Variants in CSNK1G3 observed in about 807,000 individuals in gnomAD.
The protein encoded by CSNK1G3 is casein kinase I isoform gamma-3.
CSNK1G3 carries 23 observed loss-of-function variants against 64.3 expected under a neutral mutation model. The ratio of observed to expected loss-of-function variants is 0.36; its 90% confidence interval spans 0.26 to 0.51. The LOEUF (loss-of-function observed/expected upper bound fraction) is 0.51. Ranked by LOEUF, CSNK1G3 falls within the 20% of genes least tolerant of loss-of-function variation. The pLI, the probability that CSNK1G3 is intolerant of heterozygous loss-of-function variation, is 0.96. For missense variants in CSNK1G3, 357 were observed against 510.5 expected, an observed-to-expected ratio of 0.70 and a Z score of 2.90; for synonymous variants, 158 against 162.2, an observed-to-expected ratio of 0.97 and a Z score of 0.20.
rs542512757 is a variant in CSNK1G3, at chr5:123,606,659, T to G, written c.1217+1297T>G. Among the ~76,000 whole-genome samples the G allele has an allele frequency of 2.0e-5, 3 of 152,310 alleles. No individual in the cohort carries two copies. In the South Asian group the frequency reaches 6.2e-4, roughly 32 times the overall value. ...CCAACTGCTGGTGACGTTTCTCATC[T>G]CTGTTCTTGGGCTTGTGCCTCTTTT... is the stretch of plus-strand genomic sequence containing the variant. On this transcript the variant is annotated intron_variant, in intron 12 of 12. Coordinates refer to ENST00000345990, the Ensembl canonical transcript of CSNK1G3.
intron 9 of CSNK1G3, 49 bp downstream of exon 9, chr5:123,590,607 T>C: frequency 1.8e-6 from 2 of 1,114,050 alleles, no homozygotes; most frequent in South Asian, 3.6e-5. Flanking sequence ...TGTTGCCTTT[T>C]TAATAGTACA....
intron 1 of CSNK1G3, among the ~76,000 whole-genome samples, chr5:123,524,408 C>A (rs1040258045): frequency 6.6e-6 from 1 of 152,174 alleles, no homozygotes; most frequent in Non-Finnish European, 1.5e-5. Context: ...CATGCCAAAG[C>A]GCCTACAGGC....
At chr5:123,574,638 T>C (rs913281748) in intron 5 of CSNK1G3, among the ~76,000 whole-genome samples, 2 of 151,772 alleles carry the variant, frequency 1.3e-5, no homozygotes, top group South Asian at 2.1e-4. Context: ...CTGGGCAACA[T>C]AGTGTGACTC....
At chr5:123,587,340 A>C (rs1382087401) in intron 6 of CSNK1G3, among the ~76,000 whole-genome samples, 1 of 152,218 alleles carries the variant, frequency 6.6e-6, no homozygotes, top group African/African-American at 2.4e-5. Context: ...ATTTTGAAAC[A>C]TCAAGAAATC....
At chr5:123,607,657 C>G (rs1351512367) in intron 12 of CSNK1G3, among the ~76,000 whole-genome samples, 2 of 152,094 alleles carry the variant, frequency 1.3e-5, no homozygotes, top group African/African-American at 4.8e-5. Context: ...GTGGTGATAG[C>G]TGCTCAATTC....
intron 12 of CSNK1G3, among the ~76,000 whole-genome samples, chr5:123,613,235 C>A (rs1430203825): frequency 2.7e-5 from 4 of 150,062 alleles, no homozygotes; most frequent in African/African-American, 9.8e-5. Flanking sequence ...TCAGTTCATA[C>A]CAGACCACAG....
intron 6 of CSNK1G3, among the ~76,000 whole-genome samples, chr5:123,576,665 GTC>G (rs532180719): frequency 4.6e-4 from 70 of 152,150 alleles, no homozygotes; most frequent in Non-Finnish European, 2.8e-4. Flanking sequence ...TCCAATTTGG[GTC>G]TGTTATTTCT....
At chr5:123,535,059 A>G (rs535012706) in intron 1 of CSNK1G3, among the ~76,000 whole-genome samples, 1 of 152,264 alleles carries the variant, frequency 6.6e-6, no homozygotes, top group Non-Finnish European at 1.5e-5. Context: ...GTAATAAAAA[A>G]TAAGTACGAT....
intron 1 of CSNK1G3, among the ~76,000 whole-genome samples, chr5:123,518,463 C>T (rs1777552328): frequency 6.6e-6 from 1 of 152,156 alleles, no homozygotes. Context: ...TGTTTGTCTT[C>T]TGTGTGTTGG....
intron 3 of CSNK1G3, among the ~76,000 whole-genome samples, chr5:123,555,060 G>A (rs1292876258): frequency 6.6e-6 from 1 of 152,000 alleles, no homozygotes; most frequent in Non-Finnish European, 1.5e-5. Context: ...GTTTATTTTT[G>A]TGCTGTATCT....
chr5:123,547,473 A>T (rs1458724259), intron 2 of CSNK1G3, among the ~76,000 whole-genome samples: 1 of 152,174 alleles, frequency 6.6e-6, no homozygotes, highest in Non-Finnish European at 1.5e-5. Context: ...GTGTATTCAC[A>T]CAAAGCTAGT....
At chr5:123,590,787 T>G (rs899025110) in intron 9 of CSNK1G3, among the ~76,000 whole-genome samples, 18 of 152,206 alleles carry the variant, frequency 1.2e-4, no homozygotes, top group African/African-American at 4.3e-4. Context: ...CTTTTAACTT[T>G]TCATCCTGAT....
chr5:123,587,366 C>G (rs1291197680), intron 6 of CSNK1G3, among the ~76,000 whole-genome samples: 1 of 152,178 alleles, frequency 6.6e-6, no homozygotes. Context: ...TATTTAACTT[C>G]AGTGACAGAA....
intron 1 of CSNK1G3, among the ~76,000 whole-genome samples, chr5:123,515,857 A>G (rs964316592): frequency 1.3e-5 from 2 of 152,184 alleles, no homozygotes; most frequent in Non-Finnish European, 2.9e-5. Context: ...TACTTTGTAT[A>G]GAGGCCATAA....
chr5:123,528,448 G>C lies in CSNK1G3; in HGVS notation c.-248+15878G>C, dbSNP rs550055941. On this transcript the variant is annotated intron_variant, in intron 1 of 12. Coordinates refer to ENST00000345990, the Ensembl canonical transcript of CSNK1G3. ...TCAATGTTGACTGCTATGTGTTATAGTAGGTATTAGGGAGACAGAATTGAA... is the reference window on the plus strand; with the variant it reads ...TCAATGTTGACTGCTATGTGTTATACTAGGTATTAGGGAGACAGAATTGAA... Among the ~76,000 whole-genome samples, 22 of 152,174 alleles carry C rather than the reference G, an allele frequency of 1.4e-4. No individual in the cohort carries two copies. In the South Asian group the frequency reaches 1.7e-3, roughly 11 times the overall value.
At chr5:123,569,419 T>G (rs899590563) in intron 4 of CSNK1G3, among the ~76,000 whole-genome samples, 1 of 152,178 alleles carries the variant, frequency 6.6e-6, no homozygotes, top group African/African-American at 2.4e-5. Context: ...CCAAAAAACT[T>G]TTTCTATTCT....
chr5:123,541,813 G>A (rs1781721522), intron 1 of CSNK1G3, among the ~76,000 whole-genome samples: 2 of 151,566 alleles, frequency 1.3e-5, no homozygotes, highest in African/African-American at 4.9e-5. Flanking sequence ...TTCTTTTTGG[G>A]GGAAAATCTG....
At chr5:123,569,132 C>G (rs1180931832) in intron 4 of CSNK1G3, among the ~76,000 whole-genome samples, 3 of 152,142 alleles carry the variant, frequency 2.0e-5, no homozygotes, top group Non-Finnish European at 4.4e-5. Context: ...GAAGCTTGAA[C>G]ATGATTATAT....
intron 1 of CSNK1G3, among the ~76,000 whole-genome samples, chr5:123,530,195 T>A (rs916355554): frequency 5.2e-4 from 79 of 152,094 alleles, no homozygotes; most frequent in African/African-American, 1.9e-3. Flanking sequence ...ACTTGTGAAA[T>A]TGAGAATAGA....
Sources: allele counts gnomAD v4.1 joint callset (sites outside exome capture counted in the v4.1 genomes callset), GRCh38; gene constraint gnomAD v4.1.1; transcripts MANE v1.5; gene names NCBI Gene and HGNC (gene_info 2026-07-23, HGNC 2026-07-21).